RELB: variants seen among roughly 807,000 people sequenced by gnomAD.
The protein encoded by RELB is transcription factor RelB.
A neutral mutation model predicts 55.4 loss-of-function variants in RELB; 14 were observed. That is an observed-to-expected ratio of 0.25 (90% CI 0.17 to 0.40). The LOEUF is 0.40. Ranked by LOEUF, RELB falls within the 10% of genes least tolerant of loss-of-function variation. The pLI is 1.00. For synonymous variants in RELB, 409 were observed against 371.3 expected (o/e 1.10, Z -1.17); for missense variants, 669 against 830.7 (o/e 0.81, Z 2.39).
intron 9 of RELB, 81 bp from the exon 10 acceptor site, chr19:45,034,159 AAAAT>A (rs36092616): frequency 0.48 from 449,283 of 928,964 alleles, 115,301 homozygotes; most frequent in East Asian, 0.51. Context: ...ACTGTCTCTA[AAAAT>A]AAATAAATAA....
intron 5 of RELB, among the ~76,000 whole-genome samples, chr19:45,023,393 TTTCC>T (rs58473606): frequency 0.036 from 5,194 of 144,642 alleles, 106 homozygotes; most frequent in Admixed American, 0.051. Context: ...TGCAGTTTTC[TTTCC>T]TTCCTTCCTT....
intron 2 of RELB, among the ~76,000 whole-genome samples, chr19:45,003,880 GGT>G (rs1280186208): frequency 7.0e-6 from 1 of 143,136 alleles, no homozygotes; most frequent in Non-Finnish European, 1.5e-5. Flanking sequence ...GTTCATTTTT[GGT>G]GTGTGTGTGG....
chr19:45,029,132 T>C, intron 8 of RELB, 140 bp downstream of exon 8: 1 of 631,978 alleles, frequency 1.6e-6, no homozygotes, highest in Non-Finnish European at 2.8e-6. Context: ...GAACACTGTC[T>C]TTGCAGTCAG....
intron 4 of RELB, among the ~76,000 whole-genome samples, chr19:45,019,490 C>A (rs1354895981): frequency 1.3e-5 from 2 of 152,148 alleles, no homozygotes; most frequent in South Asian, 4.1e-4. Flanking sequence ...CATTAATCAC[C>A]TCTAGGAAAA....
At chr19:45,034,095 G>A in intron 9 of RELB, 149 bp from the exon 10 acceptor site, 2 of 485,782 alleles carry the variant, frequency 4.1e-6, no homozygotes, top group Non-Finnish European at 7.1e-6. Flanking sequence ...GCAGGCAGAG[G>A]TTGCAGTGAG....
intron 2 of RELB, among the ~76,000 whole-genome samples, chr19:45,006,146 A>C (rs1971279308): frequency 6.6e-6 from 1 of 152,218 alleles, no homozygotes; most frequent in Non-Finnish European, 1.5e-5. Context: ...CCTTGGGGTC[A>C]ATGATATTTA....
At chr19:45,009,856 G>A (rs1405418563) in intron 3 of RELB, 34 bp downstream of exon 3, 1 of 1,597,288 alleles carries the variant, frequency 6.3e-7, no homozygotes, top group Non-Finnish European at 8.5e-7. Context: ...CGGGGAGGCT[G>A]AGGGACCCAA....
At chr19:45,009,905 G>C in intron 3 of RELB, 83 bp downstream of exon 3, 1 of 1,326,738 alleles carries the variant, frequency 7.5e-7, no homozygotes, top group Admixed American at 1.7e-5. Context: ...CTTGTTCAGT[G>C]GGGGTGGGGG....
chr19:45,011,979 C>G lies in RELB; in HGVS notation c.207C>G (p.Asp69Glu). ...TCAAGGAGAACGGCTTCGGCCTGGA[C>G]GGGGGACAGCCGGGCCCGGGCGAGG... The part of the protein sequence containing the change: ...EYIKENGFGL[D>E]GGQPGPGEGL... Residue 69 changes from aspartate to glutamate, a missense_variant, in exon 4 of 12, where the codon GAC becomes GAG. This residue lies in a region of RELB where 323 missense variants were observed against 368.5 expected (regional missense o/e 0.88). Coordinates refer to ENST00000221452, the MANE Select transcript of RELB (RefSeq NM_006509.4). The G allele has an allele frequency of 1.3e-6, 2 of 1,567,878 alleles. No homozygotes were observed. The highest frequency in any genetic ancestry group is 1.7e-6 in the Non-Finnish European group (2 of 1,163,008).
At chr19:45,011,906 C>T (rs758150878) in intron 3 of RELB, 30 bp from the exon 4 acceptor site, 1 of 1,283,778 alleles carries the variant, frequency 7.8e-7, no homozygotes, top group Non-Finnish European at 1.0e-6. Flanking sequence ...AAAGAATGGG[C>T]GTCACCACCC....
chr19:45,031,362 TGATC>T (rs1165843329), intron 8 of RELB, among the ~76,000 whole-genome samples: 2 of 152,088 alleles, frequency 1.3e-5, no homozygotes, highest in Non-Finnish European at 2.9e-5. Context: ...TGGCCTCAAG[TGATC>T]TGCCAGCTTT....
chr19:45,033,530 C>T (rs1174827817), intron 9 of RELB, among the ~76,000 whole-genome samples: 1 of 150,278 alleles, frequency 6.7e-6, no homozygotes, highest in Non-Finnish European at 1.5e-5. Context: ...ACTAAAAATA[C>T]AAAAATTAGC....
At chr19:45,032,918 C>G (rs1435081588) in intron 9 of RELB, among the ~76,000 whole-genome samples, 169 bp downstream of exon 9, 1 of 152,172 alleles carries the variant, frequency 6.6e-6, no homozygotes, top group Non-Finnish European at 1.5e-5. Context: ...ACCTTGGCCT[C>G]TCTGAGCCTC....
At chr19:45,031,154 C>G (rs1971616269) in intron 8 of RELB, among the ~76,000 whole-genome samples, 1 of 151,988 alleles carries the variant, frequency 6.6e-6, no homozygotes, top group South Asian at 2.1e-4. Flanking sequence ...AATCCTGACT[C>G]TTCCGCTACC....
chr19:45,024,899 G>T (rs947252383), intron 5 of RELB, among the ~76,000 whole-genome samples: 1 of 149,928 alleles, frequency 6.7e-6, no homozygotes, highest in Non-Finnish European at 1.5e-5. Context: ...TAACTCTGTT[G>T]CCCAGGCTGG....
chr19:45,027,021 AG>A (rs979638752), intron 7 of RELB, among the ~76,000 whole-genome samples: 1 of 152,078 alleles, frequency 6.6e-6, no homozygotes, highest in African/African-American at 2.4e-5. Flanking sequence ...CGAGGTCAGG[AG>A]ATCGAGACCA....
intron 4 of RELB, among the ~76,000 whole-genome samples, chr19:45,017,443 T>G (rs1971432010): frequency 5.0e-5 from 1 of 19,974 alleles, no homozygotes; most frequent in Non-Finnish European, 8.9e-5. Flanking sequence ...ACAGAGAGAA[T>G]CTGTCTAAAA....
intron 11 of RELB, 72 bp downstream of exon 11, chr19:45,034,600 G>A (rs1331256002): frequency 7.7e-7 from 1 of 1,294,380 alleles, no homozygotes; most frequent in Admixed American, 2.1e-5. Flanking sequence ...TGCTTTTCTG[G>A]CCTCTTCACG....
intron 4 of RELB, among the ~76,000 whole-genome samples, chr19:45,019,449 C>T (rs1336475374): frequency 1.3e-5 from 2 of 152,122 alleles, no homozygotes; most frequent in Non-Finnish European, 2.9e-5. Flanking sequence ...GATGTATCTC[C>T]TAATCATAAG....
Sources: allele counts gnomAD v4.1 joint callset (sites outside exome capture counted in the v4.1 genomes callset), GRCh38; gene constraint gnomAD v4.1.1; regional missense constraint gnomAD v4.1.1; transcripts MANE v1.5; gene names NCBI Gene and HGNC (gene_info 2026-07-23, HGNC 2026-07-21).